SIPA1L1: variants seen among roughly 807,000 people sequenced by gnomAD.
SIPA1L1 encodes the protein signal induced proliferation associated 1 like 1.
SIPA1L1 carries 26 observed loss-of-function variants against 162.7 expected under a neutral mutation model. The ratio of observed to expected loss-of-function variants is 0.16; its 90% CI spans 0.12 to 0.22. SIPA1L1 has a LOEUF of 0.22. SIPA1L1 is among the 10% of genes least tolerant of loss of function. SIPA1L1 has a pLI of 1.00. For missense variants in SIPA1L1, 1,874 were observed against 2,241.0 expected (o/e 0.84, Z 3.31); for synonymous variants, 829 against 837.4 (o/e 0.99, Z 0.17).
At chr14:71,569,258 C>A (rs773972674) in intron 4 of SIPA1L1, among the ~76,000 whole-genome samples, 1 of 152,120 alleles carries the variant, frequency 6.6e-6, no homozygotes, top group African/African-American at 2.4e-5. Context: ...AATTTAGTGA[C>A]GTGAAAAGAG....
chr14:71,535,481 T>C (rs1031572134), intron 4 of SIPA1L1, among the ~76,000 whole-genome samples: 4 of 152,118 alleles, frequency 2.6e-5, no homozygotes, highest in Non-Finnish European at 5.9e-5. Context: ...AGTAGAATAA[T>C]AACATACTTT....
chr14:71,721,297 T>G (rs891069283), intron 17 of SIPA1L1, among the ~76,000 whole-genome samples: 4 of 152,044 alleles, frequency 2.6e-5, no homozygotes, highest in Non-Finnish European at 4.4e-5. Flanking sequence ...CTCTCAGGAG[T>G]CTCTCTCTGT....
intron 4 of SIPA1L1, among the ~76,000 whole-genome samples, chr14:71,561,258 T>C (rs1567208308): frequency 6.6e-6 from 1 of 152,342 alleles, no homozygotes; most frequent in East Asian, 1.9e-4. Flanking sequence ...ACAATGTACT[T>C]AATCATTTCC....
intron 12 of SIPA1L1, among the ~76,000 whole-genome samples, chr14:71,682,774 T>G (rs923220717): frequency 2.0e-5 from 3 of 152,254 alleles, no homozygotes; most frequent in Non-Finnish European, 4.4e-5. Context: ...TTTGATATTA[T>G]GTTATTGCTG....
intron 2 of SIPA1L1, among the ~76,000 whole-genome samples, chr14:71,490,683 C>T (rs920871796): frequency 3.9e-5 from 6 of 152,142 alleles, no homozygotes; most frequent in African/African-American, 2.4e-5. Context: ...TACAAAGTGT[C>T]ATACAGCAAC....
intron 2 of SIPA1L1, among the ~76,000 whole-genome samples, chr14:71,397,057 T>C (rs2041263557): frequency 6.6e-6 from 1 of 152,228 alleles, no homozygotes; most frequent in African/African-American, 2.4e-5. Context: ...GTGTGGCTAA[T>C]GGATGATTCT....
At position 71,472,656 on chromosome 14, in the gene SIPA1L1, A is replaced by G. The variant is rs544413943; in HGVS notation, c.-464-40087A>G. Among the ~76,000 whole-genome samples, 13 of 151,878 alleles carry G rather than the reference A, an allele frequency of 8.6e-5. No homozygotes were observed. In the South Asian group the frequency reaches 2.7e-3, roughly 32 times the overall value. On this transcript the variant is annotated intron_variant, in intron 2 of 23. Transcript: ENST00000381232. ...TACAAAGTTGGTTAATGAATGTATA[A>G]CATGTTCAGTTTAAATAAAATGTCT...
At chr14:71,541,123 A>T (rs2059059848) in intron 4 of SIPA1L1, among the ~76,000 whole-genome samples, 1 of 152,128 alleles carries the variant, frequency 6.6e-6, no homozygotes, top group African/African-American at 2.4e-5. Flanking sequence ...TCTTTAAAAA[A>T]AAAAAGAAGA....
intron 2 of SIPA1L1, among the ~76,000 whole-genome samples, chr14:71,476,394 A>AT (rs1178519598): frequency 7.9e-5 from 12 of 152,144 alleles, no homozygotes; most frequent in African/African-American, 2.9e-4. Flanking sequence ...AAACAGTCAT[A>AT]TTTTTGTGGC....
intron 17 of SIPA1L1, 102 bp downstream of exon 17, chr14:71,709,766 G>A: frequency 1.1e-6 from 1 of 930,192 alleles, no homozygotes; most frequent in South Asian, 1.8e-5. Flanking sequence ...AGGAAAGGAG[G>A]TTTTTCTGCA....
chr14:71,461,895 G>A (rs539137364), intron 2 of SIPA1L1, among the ~76,000 whole-genome samples: 7 of 152,274 alleles, frequency 4.6e-5, no homozygotes, highest in African/African-American at 1.7e-4. Flanking sequence ...CTGATGATAG[G>A]GAACTCCCCA....
At chr14:71,525,222 G>A (rs2052742072) in intron 3 of SIPA1L1, among the ~76,000 whole-genome samples, 1 of 150,176 alleles carries the variant, frequency 6.7e-6, no homozygotes, top group South Asian at 2.1e-4. Flanking sequence ...TCTCACTCTT[G>A]CCTAGGCTGG....
rs961639464 is a variant in SIPA1L1, at chr14:71,605,943, T to A, written c.1499-12814T>A. ...TGGGAAGCAGGCATGATAGGGGTGATAGCAGTAACAGTAGTGGGATGACCC... is the reference window on the plus strand; with the variant it reads ...TGGGAAGCAGGCATGATAGGGGTGAAAGCAGTAACAGTAGTGGGATGACCC... On this transcript the variant is annotated intron_variant, in intron 5 of 23. Coordinates refer to ENST00000381232, the MANE Select transcript of SIPA1L1 (RefSeq NM_001386936.1). Among the ~76,000 whole-genome samples, 4 of 152,226 alleles carry A rather than the reference T, an allele frequency of 2.6e-5. No homozygotes were observed. The East Asian group carries it at 7.7e-4, about 29-fold the overall frequency.
At chr14:71,563,153 G>A (rs149077365) in intron 4 of SIPA1L1, among the ~76,000 whole-genome samples, 2 of 152,136 alleles carry the variant, frequency 1.3e-5, no homozygotes, top group African/African-American at 2.4e-5. Context: ...ATTGTGATTC[G>A]TTTCAGTTGA....
chr14:71,365,393 A>G (rs1468413278), intron 2 of SIPA1L1, among the ~76,000 whole-genome samples: 1 of 152,036 alleles, frequency 6.6e-6, no homozygotes, highest in Non-Finnish European at 1.5e-5. Context: ...CTAGCTCAAG[A>G]GTCTCCTCTG....
chr14:71,638,729 A>G (rs1391018776), intron 7 of SIPA1L1, among the ~76,000 whole-genome samples: 5 of 152,254 alleles, frequency 3.3e-5, no homozygotes, highest in Non-Finnish European at 5.9e-5. Context: ...TTCAGATGAC[A>G]TGCTGGTCTG....
At chr14:71,699,187 A>G in intron 14 of SIPA1L1, 60 bp downstream of exon 14, 1 of 1,497,298 alleles carries the variant, frequency 6.7e-7, no homozygotes, top group East Asian at 2.3e-5. Flanking sequence ...TTTCATCTGT[A>G]CTCAGACATG....
rs779001138 is a variant in SIPA1L1 at position 71,723,744 on chromosome 14, G to A, written c.4306G>A (p.Ala1436Thr). Residue 1436 changes from alanine to threonine, a missense_variant, in exon 18 of 24, where the codon GCA becomes ACA. Ala to Thr is a moderately conservative substitution (Grantham distance 58). Coordinates refer to ENST00000381232, the MANE Select transcript of SIPA1L1 (RefSeq NM_001386936.1). ...TCATCCAGCTGCCCCCTCACAGCTC[G>A]CACCATCCTTCTCCTCCTCTTCCTC... ...ELHPAAPSQLAPSFSSSSSSS... is the reference protein window; with the variant it reads ...ELHPAAPSQLTPSFSSSSSSS... 2.2e-5 allele frequency: 36 copies of A among 1,614,038 alleles called. No individual in the cohort carries two copies. The highest frequency in any genetic ancestry group is 2.7e-5 in the Non-Finnish European group (32 of 1,180,036).
intron 2 of SIPA1L1, among the ~76,000 whole-genome samples, chr14:71,354,405 G>A (rs2037033739): frequency 6.6e-6 from 1 of 151,376 alleles, no homozygotes; most frequent in Admixed American, 6.6e-5. Context: ...AGCCTCCTGA[G>A]TTGCTGGGAT....
Sources: gnomAD v4.1 joint callset for allele counts (sites outside exome capture counted in the v4.1 genomes callset) on GRCh38, gnomAD v4.1.1 for gene constraint, MANE v1.5 for transcripts, NCBI Gene and HGNC (gene_info 2026-07-23, HGNC 2026-07-21) for gene names.